MANEA: variants seen among roughly 807,000 people sequenced by gnomAD.
MANEA encodes glycoprotein endo-alpha-1,2-mannosidase.
In MANEA, 25 loss-of-function variants were observed where a neutral mutation model predicts 36.8. The observed-to-expected ratio is 0.68, with a 90% CI of 0.50 to 0.95. MANEA has a LOEUF of 0.95. Ranked by LOEUF, MANEA falls within the 40% of genes least tolerant of loss-of-function variation. The pLI, the probability that MANEA is intolerant of heterozygous loss-of-function variation, is 0.00. For missense variants in MANEA, 565 were observed against 558.8 expected (o/e 1.01, Z -0.11); for synonymous variants, 198 against 188.5 (o/e 1.05, Z -0.41).
Position 95,586,561 on chromosome 6 carries a change from G to T in MANEA, c.122G>T (p.Gly41Val). The T allele has an allele frequency of 6.2e-7, 1 of 1,613,932 alleles. No individual in the cohort carries two copies. The highest frequency in any genetic ancestry group is 8.5e-7 in the Non-Finnish European group (1 of 1,179,950). The change falls in exon 2 of 5, where the codon GGA (glycine) becomes GTA (valine). Residue 41 changes from glycine to valine, a missense_variant. Coordinates refer to ENST00000358812, the MANE Select transcript of MANEA (RefSeq NM_024641.4). ...PNTATFGAPF[G>V]LDLLPELHQR... ...ACAGCTACTTTTGGAGCTCCTTTTG[G>T]ACTTGACCTTCTTCCAGAACTTCAT...
intron 2 of MANEA, chr6:95,589,946 AAG>A (rs1769357106): frequency 6.6e-6 from 1 of 152,170 alleles, no homozygotes; most frequent in Non-Finnish European, 1.5e-5. Context: ...GAAGAGGGAA[AAG>A]AGAGTCAGAG....
intron 2 of MANEA, among the ~76,000 whole-genome samples, chr6:95,594,750 C>T (rs1257276566): frequency 6.6e-6 from 1 of 152,126 alleles, no homozygotes; most frequent in Non-Finnish European, 1.5e-5. Context: ...TTTCTGGTTA[C>T]CTTAAATTAG....
At chr6:95,605,650 C>A in intron 4 of MANEA, 98 bp from the exon 5 acceptor site, 1 of 809,436 alleles carries the variant, frequency 1.2e-6, no homozygotes, top group Non-Finnish European at 2.0e-6. Context: ...GCAGTGTGCT[C>A]AAACTGCACT....
Position 95,606,159 on chromosome 6 carries a change from T to A in MANEA, c.1143T>A (p.Tyr381Ter). The A allele has an allele frequency of 6.2e-7, 1 of 1,614,064 alleles. No individual in the cohort carries two copies. The highest frequency in any genetic ancestry group is 1.3e-5 in the African/African-American group (1 of 75,008). The change falls in exon 5 of 5, where the codon TAT (tyrosine) becomes TAA (stop). Residue 381 changes from tyrosine (Y) to a stop codon, truncating the protein, a stop_gained. Transcript: ENST00000358812. LOFTEE classifies it high-confidence loss of function. ...CTCGGAACCGAATCAATGGGAAGTA[T>A]TATGAAATTGGTCTGAGTGCCGCAC... The part of the protein sequence containing the change: ...QNTRNRINGK[Y>*]YEIGLSAALQ...
Position 95,606,170 on chromosome 6 carries a change from G to A in MANEA, c.1154G>A (p.Gly385Asp). The A allele has an allele frequency of 6.2e-7, 1 of 1,613,998 alleles. No homozygotes were observed. Among genetic ancestry groups the A allele is most frequent in the Non-Finnish European group, 8.5e-7 (1 of 1,179,960 alleles). Residue 385 changes from glycine to aspartate, a missense_variant, in exon 5 of 5, where the codon GGT (glycine) becomes GAT (aspartate). By Grantham distance (94) the Gly-to-Asp change is moderately conservative. Transcript: ENST00000358812. ...ATCAATGGGAAGTATTATGAAATTG[G>A]TCTGAGTGCCGCACTTCAGACACGC... ...NRINGKYYEIGLSAALQTRPS... is the reference protein window; with the variant it reads ...NRINGKYYEIDLSAALQTRPS...
intron 4 of MANEA, 106 bp from the exon 5 acceptor site, chr6:95,605,642 A>C: frequency 1.4e-6 from 1 of 708,698 alleles, no homozygotes; most frequent in South Asian, 1.8e-5. Flanking sequence ...GAAATGGAGC[A>C]GTGTGCTCAA....
chr6:95,580,440 A>G (rs1204814541), intron 1 of MANEA, among the ~76,000 whole-genome samples: 1 of 151,876 alleles, frequency 6.6e-6, no homozygotes, highest in African/African-American at 2.4e-5. Context: ...AGGAATGACA[A>G]TTTGGCCGGG....
At position 95,587,426 on chromosome 6, in the gene MANEA, G is replaced by A. The variant is rs149118675; in HGVS notation, c.544+443G>A. ...ATTCAGGCCTACCTTCTCCCCTACC[G>A]CTGAAAACTGTATACATATCAGCTG... On this transcript the variant is annotated intron_variant, in intron 2 of 4. Transcript: ENST00000358812. The A allele has an allele frequency of 5.4e-3, 911 of 168,428 alleles. 8 individuals are homozygous for A. Among genetic ancestry groups the A allele is most frequent in the African/African-American group, 0.021 (873 of 41,572 alleles). 10.4% of individuals were successfully genotyped at this position (168,428 alleles called of 1,614,324 possible).
At chr6:95,594,502 A>C (rs2127942162) in intron 2 of MANEA, among the ~76,000 whole-genome samples, 1 of 152,214 alleles carries the variant, frequency 6.6e-6, no homozygotes, top group Admixed American at 6.5e-5. Context: ...TATGAAGGTA[A>C]TTTTTAGAAG....
chr6:95,579,288 G>A (rs1033657273), intron 1 of MANEA, among the ~76,000 whole-genome samples: 2 of 152,162 alleles, frequency 1.3e-5, no homozygotes, highest in African/African-American at 2.4e-5. Context: ...CAGGAGAATC[G>A]CTTGAACCCG....
At chr6:95,602,996 C>T (rs563954865) in intron 3 of MANEA, among the ~76,000 whole-genome samples, 37 of 134,528 alleles carry the variant, frequency 2.8e-4, no homozygotes, top group South Asian at 1.6e-3. Flanking sequence ...GTCCGCAGTC[C>T]GGCCTGGGCG....
rs1367220521 is a variant in MANEA, at chr6:95,606,013, T to C, written c.997T>C (p.Ser333Pro). 1 of 1,614,064 alleles carries C rather than the reference T, an allele frequency of 6.2e-7. No homozygotes were observed. The highest frequency in any genetic ancestry group is 2.2e-5 in the East Asian group (1 of 44,872). The change falls in exon 5 of 5, where the codon TCA becomes CCA. Residue 333 changes from serine to proline, a missense_variant. Physicochemically the swap from Ser to Pro is moderately conservative, Grantham distance 74. Coordinates refer to ENST00000358812, the MANE Select transcript of MANEA (RefSeq NM_024641.4). ...YFATNGFTYG[S>P]SHQNWASLKL... Reference sequence around the variant, plus strand: ...TGCCACAAATGGCTTTACTTATGGCTCATCACATCAGAATTGGGCTAGCCT... The same window carrying C: ...TGCCACAAATGGCTTTACTTATGGCCCATCACATCAGAATTGGGCTAGCCT...
At chr6:95,602,802 T>C (rs1309031790) in intron 3 of MANEA, among the ~76,000 whole-genome samples, 2 of 150,350 alleles carry the variant, frequency 1.3e-5, no homozygotes, top group Non-Finnish European at 3.0e-5. Flanking sequence ...GGGTGGATCA[T>C]GAGGTCAGGA....
chr6:95,585,027 G>C (rs1301934865), intron 1 of MANEA, among the ~76,000 whole-genome samples: 1 of 152,030 alleles, frequency 6.6e-6, no homozygotes, highest in East Asian at 1.9e-4. Context: ...ATTTTATAAA[G>C]CAGTCAATGT....
chr6:95,589,494 C>T (rs1158394672), intron 2 of MANEA, among the ~76,000 whole-genome samples: 2 of 152,036 alleles, frequency 1.3e-5, no homozygotes, highest in East Asian at 3.9e-4. Context: ...CCTAATGGCT[C>T]AACCCTTCAT....
intron 1 of MANEA, among the ~76,000 whole-genome samples, chr6:95,579,352 AC>A (rs2127936477): frequency 6.6e-6 from 1 of 152,362 alleles, no homozygotes; most frequent in South Asian, 2.1e-4. Context: ...CAGCATGGCA[AC>A]AGAGTGAGAC....
intron 3 of MANEA, among the ~76,000 whole-genome samples, chr6:95,597,624 A>G (rs1769505195): frequency 6.6e-6 from 1 of 152,066 alleles, no homozygotes. Flanking sequence ...AATGTTAATA[A>G]TTAAGTCCAA....
chr6:95,605,701 A>T, intron 4 of MANEA, 47 bp from the exon 5 acceptor site: 1 of 1,449,948 alleles, frequency 6.9e-7, no homozygotes, highest in Non-Finnish European at 9.5e-7. Flanking sequence ...TCTGTGGCAA[A>T]TTAGTTGTGA....
At chr6:95,580,749 A>T (rs1769165341) in intron 1 of MANEA, among the ~76,000 whole-genome samples, 3 of 151,438 alleles carry the variant, frequency 2.0e-5, no homozygotes, top group Admixed American at 1.3e-4. Context: ...AAAAGAAATG[A>T]CAATTTAAAA....
Sources: allele counts gnomAD v4.1 joint callset (sites outside exome capture counted in the v4.1 genomes callset), GRCh38; gene constraint gnomAD v4.1.1; transcripts MANE v1.5; gene names NCBI Gene and HGNC (gene_info 2026-07-23, HGNC 2026-07-21).